Variants in SAMD8 observed in about 807,000 individuals in gnomAD.
SAMD8 encodes sterile alpha motif domain containing 8.
Under a neutral mutation model 42.0 loss-of-function variants are expected in SAMD8, and 20 were observed. That is an observed-to-expected ratio of 0.48 (90% CI 0.34 to 0.69). The LOEUF is 0.69. SAMD8 is among the 30% of genes least tolerant of loss of function. SAMD8 has a pLI of 0.01. For missense variants in SAMD8, 328 were observed against 511.6 expected, an observed-to-expected ratio of 0.64 and a Z score of 3.46; for synonymous variants, 162 against 173.0, an observed-to-expected ratio of 0.94 and a Z score of 0.50.
chr10:75,111,501 G>A (rs1466325166), upstream of SAMD8: 4 of 1,225,974 alleles, frequency 3.3e-6, no homozygotes, highest in Non-Finnish European at 4.1e-6. Flanking sequence ...AGCAGTTCCG[G>A]TTCGGCTCCG....
In SAMD8 at chr10:75,164,684, A is replaced by G. The variant is rs768960650; in HGVS notation, c.618A>G (p.Val206=). 6.2e-7 allele frequency: 1 copy of G among 1,614,104 alleles called. No individual in the cohort carries two copies. The highest frequency in any genetic ancestry group is 2.2e-5 in the East Asian group (1 of 44,868). ...CATGGGCCTTTGCCATGACGGAAGTATGTGGCATGATTCTGTGCTATATTT... is the reference window on the plus strand; with the variant it reads ...CATGGGCCTTTGCCATGACGGAAGTGTGTGGCATGATTCTGTGCTATATTT... ...RIPWAFAMTE[V]CGMILCYIWL... Residue 206 remains valine (V), a synonymous_variant, in exon 3 of 6, where the codon GTA becomes GTG. Transcript: ENST00000542569.
intron 2 of SAMD8, among the ~76,000 whole-genome samples, chr10:75,160,691 G>C (rs1840537813): frequency 6.6e-6 from 1 of 152,172 alleles, no homozygotes; most frequent in Non-Finnish European, 1.5e-5. Flanking sequence ...TGCTAATAAT[G>C]AAAGTTTGGA....
intron 1 of SAMD8, among the ~76,000 whole-genome samples, chr10:75,101,699 T>A (rs1454472265): frequency 6.6e-6 from 1 of 152,108 alleles, no homozygotes; most frequent in Non-Finnish European, 1.5e-5. Context: ...AACCCAGGTC[T>A]CTCTGACTCT....
rs1261610266 is a variant in SAMD8 at position 75,177,775 on chromosome 10, ATTCT to A, written c.*1088_*1091del. The A allele has an allele frequency of 2.6e-5, 4 of 152,366 alleles. No homozygotes were observed. The South Asian group carries it at 8.3e-4, about 32-fold the overall frequency. The allele number at this position is 152,366 out of a possible 1,614,324, so 9.4% of individuals were successfully genotyped here. A position where few individuals can be genotyped will look rare whatever the true frequency, so the allele number is the denominator to read the frequency against. On this transcript the variant is annotated 3_prime_UTR_variant, in exon 6 of 6. Coordinates refer to ENST00000542569, the MANE Select transcript of SAMD8 (RefSeq NM_001174156.2). ...CTTTTAAATATAATGGTGTATATAC[ATTCT>A]TTCTATTTAGTCTTAATTTGGCAGT... is the stretch of plus-strand genomic sequence containing the variant.
intron 1 of SAMD8, among the ~76,000 whole-genome samples, chr10:75,115,141 A>T (rs532014698): frequency 6.6e-6 from 1 of 152,362 alleles, no homozygotes; most frequent in African/African-American, 2.4e-5. Context: ...TTGTTTACAA[A>T]TAAAGAGTTA....
chr10:75,173,901 CCT>C (rs1840927253), intron 4 of SAMD8, among the ~76,000 whole-genome samples: 1 of 152,130 alleles, frequency 6.6e-6, no homozygotes, highest in African/African-American at 2.4e-5. Flanking sequence ...AGCTATGTGA[CCT>C]CTCTAAGCCA....
chr10:75,167,898 T>C (rs954404658), intron 3 of SAMD8, among the ~76,000 whole-genome samples: 4 of 152,362 alleles, frequency 2.6e-5, no homozygotes, highest in African/African-American at 7.2e-5. Context: ...CGGCCAACTT[T>C]ATCTCTTATA....
rs1160653015 is a variant in SAMD8 at position 75,153,978 on chromosome 10, G to T, written c.578+2872G>T. Among the ~76,000 whole-genome samples the T allele has an allele frequency of 2.6e-5, 4 of 152,128 alleles. No homozygotes were observed. The East Asian group carries it at 7.7e-4, about 29-fold the overall frequency. On this transcript the variant is annotated intron_variant, in intron 2 of 5. Coordinates refer to ENST00000542569, the MANE Select transcript of SAMD8 (RefSeq NM_001174156.2). Reference sequence around the variant, plus strand: ...GACAAGGTTTCACTGTGTTGGCTAGGCTGGTCTCGAACTCCTGACTCAAAT... The same window carrying T: ...GACAAGGTTTCACTGTGTTGGCTAGTCTGGTCTCGAACTCCTGACTCAAAT...
chr10:75,129,384 G>A (rs1445808247), intron 1 of SAMD8, among the ~76,000 whole-genome samples: 1 of 152,060 alleles, frequency 6.6e-6, no homozygotes, highest in Non-Finnish European at 1.5e-5. Context: ...GGGATTACAG[G>A]CATGCACCAC....
upstream of SAMD8, chr10:75,111,465 C>G: frequency 8.2e-7 from 1 of 1,215,018 alleles, no homozygotes; most frequent in Non-Finnish European, 1.0e-6. Context: ...AACCCCGTCC[C>G]CGGCCGGTAG....
intron 4 of SAMD8, among the ~76,000 whole-genome samples, chr10:75,169,472 ACT>A (rs1290377055): frequency 1.4e-5 from 2 of 142,032 alleles, no homozygotes; most frequent in Admixed American, 7.4e-5. Flanking sequence ...ACAGAGCAAG[ACT>A]CTGTCTCAAA....
chr10:75,150,888 C>A lies in SAMD8; in HGVS notation c.360C>A (p.Asp120Glu). 6.2e-7 allele frequency: 1 copy of A among 1,612,516 alleles called. No individual in the cohort carries two copies. Among genetic ancestry groups the A allele is most frequent in the Non-Finnish European group, 8.5e-7 (1 of 1,179,144 alleles). ...LCNGELSHDCDGPITDLNSDQ... is the reference protein window; with the variant it reads ...LCNGELSHDCEGPITDLNSDQ... ...ATGGGGAGCTTTCCCATGACTGTGA[C>A]GGACCCATAACTGACTTGAATTCTG... The change falls in exon 2 of 6, where the codon GAC (aspartate) becomes GAA (glutamate). Residue 120 changes from aspartate (D) to glutamate (E), a missense_variant. Physicochemically the swap from Asp to Glu is conservative, Grantham distance 45. Transcript: ENST00000542569.
intron 1 of SAMD8, chr10:75,101,807 A>G (rs1589900305): frequency 8.9e-7 from 1 of 1,123,836 alleles, no homozygotes; most frequent in Non-Finnish European, 1.2e-6. Context: ...CCTGGCCCTC[A>G]TTACCCAGCA....
At chr10:75,157,234 GGA>G (rs139540562) in intron 2 of SAMD8, among the ~76,000 whole-genome samples, 52 of 147,962 alleles carry the variant, frequency 3.5e-4, no homozygotes, top group South Asian at 6.4e-4. Context: ...ATGATGAGGG[GGA>G]GAGAGAGAGA....
chr10:75,105,841 C>T (rs1221044551), intron 1 of SAMD8: 1 of 1,550,560 alleles, frequency 6.4e-7, no homozygotes, highest in Non-Finnish European at 8.7e-7. Flanking sequence ...GCGGCTCACG[C>T]CCACCACACA....
At chr10:75,142,488 G>A (rs945380133) in intron 1 of SAMD8, among the ~76,000 whole-genome samples, 1 of 152,196 alleles carries the variant, frequency 6.6e-6, no homozygotes, top group South Asian at 2.1e-4. Context: ...CCAGGCTGGA[G>A]TGCAGTGGCA....
chr10:75,146,781 A>G (rs1471444472), intron 1 of SAMD8, among the ~76,000 whole-genome samples: 1 of 152,206 alleles, frequency 6.6e-6, no homozygotes, highest in Non-Finnish European at 1.5e-5. Flanking sequence ...ATTTGTATTT[A>G]TCATTCAAAG....
intron 1 of SAMD8, among the ~76,000 whole-genome samples, chr10:75,133,174 G>A (rs1849311344): frequency 6.6e-6 from 1 of 152,154 alleles, no homozygotes; most frequent in African/African-American, 2.4e-5. Context: ...GCTGAGGCAG[G>A]CAGATTGCTG....
intron 2 of SAMD8, chr10:75,164,427 C>A (rs1840629260): frequency 1.3e-6 from 1 of 751,846 alleles, no homozygotes; most frequent in Non-Finnish European, 1.6e-6. Flanking sequence ...GTCAGAGAAC[C>A]CTAACTGGGA....
Sources: allele counts gnomAD v4.1 joint callset (sites outside exome capture counted in the v4.1 genomes callset), GRCh38; gene constraint gnomAD v4.1.1; transcripts MANE v1.5; gene names NCBI Gene and HGNC (gene_info 2026-07-23, HGNC 2026-07-21).